NHLRC2: variants seen among roughly 807,000 people sequenced by gnomAD.
NHLRC2 encodes NHL repeat containing 2.
In NHLRC2, 33 loss-of-function variants were observed where a neutral mutation model predicts 68.1. The ratio of observed to expected loss-of-function variants is 0.48; its 90% CI spans 0.37 to 0.65. The LOEUF (loss-of-function observed/expected upper bound fraction) is 0.65. Among genes scored for constraint, NHLRC2 ranks in the 30% least tolerant of loss-of-function variants. The pLI is 0.00. For synonymous variants in NHLRC2, 311 were observed against 309.6 expected (o/e 1.00, Z -0.05); for missense variants, 761 against 853.8 (o/e 0.89, Z 1.35).
At chr10:113,872,412 A>G (rs960581700) in intron 2 of NHLRC2, among the ~76,000 whole-genome samples, 1 of 152,154 alleles carries the variant, frequency 6.6e-6, no homozygotes, top group Non-Finnish European at 1.5e-5. Flanking sequence ...AAAGCAGATC[A>G]CATCTATATA....
chr10:113,903,651 GA>G lies in NHLRC2; in HGVS notation c.1620del (p.Glu541ArgfsTer8). 8 of 1,605,354 alleles carry G rather than the reference GA, an allele frequency of 5.0e-6. No homozygotes were observed. The highest frequency in any genetic ancestry group is 6.8e-6 in the Non-Finnish European group (8 of 1,172,208). On this transcript the variant is annotated frameshift_variant, in exon 9 of 11. Transcript: ENST00000369301. LOFTEE classifies it high-confidence loss of function. ...AATGAACCAGGAGGCTTGTGTATTGGAGAGAATGGAGAATTATTATATGTAG... is the reference window on the plus strand; with the variant it reads ...AATGAACCAGGAGGCTTGTGTATTGGGAGAATGGAGAATTATTATATGTAG... ...TFNEPGGLCIGENGELLYVAD... is the reference protein window; with the variant it reads ...TFNEPGGLCIXENGELLYVAD...
At chr10:113,896,750 T>G (rs1846181656) in intron 5 of NHLRC2, among the ~76,000 whole-genome samples, 1 of 152,016 alleles carries the variant, frequency 6.6e-6, no homozygotes, top group African/African-American at 2.4e-5. Flanking sequence ...ATCCTAGCAC[T>G]TTGGGAGGCT....
At chr10:113,874,926 T>A (rs1845964192) in intron 2 of NHLRC2, among the ~76,000 whole-genome samples, 1 of 151,970 alleles carries the variant, frequency 6.6e-6, no homozygotes, top group Non-Finnish European at 1.5e-5. Context: ...CTGTTTTTAT[T>A]TCCTGTCTTT....
rs1455433038 is a variant in NHLRC2 at position 113,916,397 on chromosome 10, A to G, written c.*7861A>G. ...TATAAATAACAGATATGGCAGAACAATTTTGTTGTAGTATTTTTTTCCGTA... is the reference window on the plus strand; with the variant it reads ...TATAAATAACAGATATGGCAGAACAGTTTTGTTGTAGTATTTTTTTCCGTA... On this transcript the variant is annotated 3_prime_UTR_variant, in exon 11 of 11. Transcript: ENST00000369301. 6.6e-6 allele frequency: 1 copy of G among 152,168 alleles called. No individual in the cohort carries two copies. The highest frequency in any genetic ancestry group is 1.5e-5 in the Non-Finnish European group (1 of 68,016). 9.4% of individuals were successfully genotyped at this position (152,168 alleles called of 1,614,324 possible).
At chr10:113,875,171 T>C (rs1285393779) in intron 2 of NHLRC2, among the ~76,000 whole-genome samples, 1 of 152,114 alleles carries the variant, frequency 6.6e-6, no homozygotes, top group Non-Finnish European at 1.5e-5. Context: ...GGTTCTGTTA[T>C]AGTCCTGTAG....
chr10:113,896,942 C>T lies in NHLRC2; in HGVS notation c.1040-1168C>T, dbSNP rs960114245. Reference sequence around the variant, plus strand: ...CTGGGAGGCGGAGCTTGCAGTGAGCCGAGATTGCTCCACTGCACTCCAGCC... The same window carrying T: ...CTGGGAGGCGGAGCTTGCAGTGAGCTGAGATTGCTCCACTGCACTCCAGCC... On this transcript the variant is annotated intron_variant, in intron 5 of 10. Transcript: ENST00000369301. Among the ~76,000 whole-genome samples, 8 of 149,920 alleles carry T rather than the reference C, an allele frequency of 5.3e-5. No individual in the cohort carries two copies. The East Asian group carries it at 7.8e-4, about 15-fold the overall frequency.
At chr10:113,884,801 G>A (rs1008490075) in intron 5 of NHLRC2, among the ~76,000 whole-genome samples, 2 of 151,352 alleles carry the variant, frequency 1.3e-5, no homozygotes, top group Admixed American at 1.3e-4. Flanking sequence ...GTTTGAAAAA[G>A]AAATCAAAGA....
intron 2 of NHLRC2, among the ~76,000 whole-genome samples, chr10:113,867,735 GGTTTTT>G (rs547828990): frequency 2.4e-4 from 37 of 152,108 alleles, no homozygotes; most frequent in Middle Eastern, 3.4e-3. Flanking sequence ...CTCCATTACA[GGTTTTT>G]GTTTTTGTTT....
intron 5 of NHLRC2, among the ~76,000 whole-genome samples, chr10:113,884,779 T>G (rs770916575): frequency 8.6e-5 from 13 of 151,552 alleles, no homozygotes; most frequent in Non-Finnish European, 1.8e-4. Flanking sequence ...TATAGTGTCA[T>G]TATATACTCT....
chr10:113,869,605 C>T (rs535924575), intron 2 of NHLRC2, among the ~76,000 whole-genome samples: 3 of 152,248 alleles, frequency 2.0e-5, no homozygotes, highest in African/African-American at 7.2e-5. Flanking sequence ...TCTCCTTCAG[C>T]GTTCTCTGCA....
chr10:113,893,341 A>G (rs1476897910), intron 5 of NHLRC2, among the ~76,000 whole-genome samples: 3 of 152,326 alleles, frequency 2.0e-5, no homozygotes, highest in Middle Eastern at 3.4e-3. Flanking sequence ...GAACACTCAT[A>G]ATCTAGAGTC....
At chr10:113,888,383 A>G (rs1289072164) in intron 5 of NHLRC2, among the ~76,000 whole-genome samples, 2 of 152,212 alleles carry the variant, frequency 1.3e-5, no homozygotes, top group African/African-American at 4.8e-5. Context: ...ATCTTTCTAC[A>G]GTATACACAT....
At chr10:113,855,129 G>A in intron 1 of NHLRC2, 79 bp downstream of exon 1, 1 of 1,309,110 alleles carries the variant, frequency 7.6e-7, no homozygotes, top group Non-Finnish European at 1.1e-6. Context: ...GCGAAGCGGT[G>A]GGCTAGGCGG....
chr10:113,903,708 T>A lies in NHLRC2; in HGVS notation c.1676T>A (p.Met559Lys). ...ADTNNHQIKV[M>K]DLETKMVSVL... Reference sequence around the variant, plus strand: ...ACCAATAATCATCAAATTAAAGTGATGGATTTAGAAACTAAAATGGTATCT... The same window carrying A: ...ACCAATAATCATCAAATTAAAGTGAAGGATTTAGAAACTAAAATGGTATCT... The change falls in exon 9 of 11, where the codon ATG (methionine) becomes AAG (lysine). Residue 559 changes from methionine to lysine, a missense_variant. Met to Lys is a moderately conservative substitution (Grantham distance 95, BLOSUM62 -1). Transcript: ENST00000369301. 1 of 1,583,600 alleles carries A rather than the reference T, an allele frequency of 6.3e-7. No individual in the cohort carries two copies. The highest frequency in any genetic ancestry group is 8.7e-7 in the Non-Finnish European group (1 of 1,152,830).
chr10:113,882,786 A>C (rs2134714442), intron 4 of NHLRC2, among the ~76,000 whole-genome samples: 1 of 151,760 alleles, frequency 6.6e-6, no homozygotes, highest in Non-Finnish European at 1.5e-5. Context: ...ATAATTATTT[A>C]CCCCTGTGTT....
chr10:113,880,438 C>T (rs1846026787), intron 4 of NHLRC2, among the ~76,000 whole-genome samples: 1 of 151,676 alleles, frequency 6.6e-6, no homozygotes, highest in Admixed American at 6.6e-5. Context: ...TTATTTCAGA[C>T]ATTTCCTCCT....
chr10:113,866,875 T>C (rs540251670), intron 2 of NHLRC2, among the ~76,000 whole-genome samples: 8 of 151,940 alleles, frequency 5.3e-5, no homozygotes, highest in Admixed American at 5.2e-4. Context: ...AGGGAAAAGA[T>C]GCATGGGGCT....
intron 5 of NHLRC2, among the ~76,000 whole-genome samples, chr10:113,891,988 A>C (rs1846137501): frequency 6.6e-6 from 1 of 152,042 alleles, no homozygotes. Context: ...TTTTTCATCT[A>C]CCTTTTCCAC....
chr10:113,864,014 A>T (rs1309362625), intron 2 of NHLRC2, among the ~76,000 whole-genome samples: 1 of 152,218 alleles, frequency 6.6e-6, no homozygotes, highest in Non-Finnish European at 1.5e-5. Context: ...GTGGGTGAGG[A>T]AAATGTGGTG....
Sources: allele counts gnomAD v4.1 joint callset (sites outside exome capture counted in the v4.1 genomes callset), GRCh38; gene constraint gnomAD v4.1.1; transcripts MANE v1.5; gene names NCBI Gene and HGNC (gene_info 2026-07-23, HGNC 2026-07-21).